Variants in FYCO1 observed in about 807,000 individuals in gnomAD.
The protein encoded by FYCO1 is FYVE and coiled-coil domain autophagy adaptor 1.
A neutral mutation model predicts 165.1 loss-of-function variants in FYCO1; 122 were observed. The ratio of observed to expected loss-of-function variants is 0.74; its 90% CI spans 0.64 to 0.86. The LOEUF is 0.86. FYCO1 is among the 40% of genes least tolerant of loss of function. The probability of loss-of-function intolerance (pLI) is 0.00; values close to 1 mark genes in which losing one functional copy is unlikely to be tolerated. For missense variants in FYCO1, 1,702 were observed against 1,810.3 expected, an observed-to-expected ratio of 0.94 and a Z score of 1.09; for synonymous variants, 648 against 742.5, an observed-to-expected ratio of 0.87 and a Z score of 2.07.
At chr3:45,936,931 G>A (rs1351932593) in intron 14 of FYCO1, among the ~76,000 whole-genome samples, 3 of 152,178 alleles carry the variant, frequency 2.0e-5, no homozygotes, top group Non-Finnish European at 4.4e-5. Flanking sequence ...TGCACAACTA[G>A]AGAAGCCTCT....
intron 14 of FYCO1, 88 bp downstream of exon 14, chr3:45,955,161 G>A (rs989965184): frequency 2.1e-5 from 31 of 1,455,368 alleles, no homozygotes; most frequent in Middle Eastern, 2.4e-4. Flanking sequence ...CCTGCTTCCA[G>A]TGTCTCACTT....
chr3:45,983,963 T>C (rs1707184781), intron 2 of FYCO1, among the ~76,000 whole-genome samples: 1 of 152,242 alleles, frequency 6.6e-6, no homozygotes, highest in Non-Finnish European at 1.5e-5. Context: ...ACTGTGGCCA[T>C]GCTAGGCCAA....
intron 16 of FYCO1, among the ~76,000 whole-genome samples, chr3:45,926,780 C>T (rs965903291): frequency 7.2e-5 from 11 of 152,204 alleles, no homozygotes; most frequent in Non-Finnish European, 1.6e-4. Flanking sequence ...ACCTGGCCAA[C>T]ATAGCAAAAC....
rs1342251883 is a variant in FYCO1 at position 45,919,943 on chromosome 3, G to A, written c.*1822C>T. ...CAGTACTAAGCATGGTCAGAGCCTTGGCCAGGAGAAGATGATTGAGCACCT... is the reference window on the plus strand; with the variant it reads ...CAGTACTAAGCATGGTCAGAGCCTTAGCCAGGAGAAGATGATTGAGCACCT... On this transcript the variant is annotated 3_prime_UTR_variant, in exon 18 of 18. Transcript: ENST00000296137. 3 of 152,232 alleles carry A rather than the reference G, an allele frequency of 2.0e-5. No individual in the cohort carries two copies. Among genetic ancestry groups the A allele is most frequent in the African/African-American group, 7.2e-5 (3 of 41,464 alleles). The allele number at this position is 152,232 out of a possible 1,614,324, so 9.4% of individuals were successfully genotyped here. A position where few individuals can be genotyped will look rare whatever the true frequency, so the allele number is the denominator to read the frequency against.
rs113650419 is a variant in FYCO1 at position 45,993,925 on chromosome 3, G to A, written c.-113+1797C>T. ...CTAAAGGGAAGCAGGGTGGGTGGGG[G>A]TGAGGGGGCTGCCATTTCTTGCGTA... On this transcript the variant is annotated intron_variant, in intron 1 of 17. Transcript: ENST00000296137. This position sits in a 1 kb window ranked among gnomAD's most constrained non-coding sequence, Gnocchi z 4.4. Among the ~76,000 whole-genome samples the A allele has an allele frequency of 2.8e-3, 432 of 151,742 alleles. 2 individuals carry two copies. Among genetic ancestry groups the A allele is most frequent in the African/African-American group, 9.6e-3 (399 of 41,464 alleles).
At chr3:45,971,494 C>T (rs1298187039) in intron 6 of FYCO1, among the ~76,000 whole-genome samples, 3 of 152,200 alleles carry the variant, frequency 2.0e-5, no homozygotes, top group South Asian at 2.1e-4. Flanking sequence ...CACCGCCTTA[C>T]CCAAATGACC....
chr3:45,969,818 A>C, intron 6 of FYCO1, 53 bp from the exon 7 acceptor site: 5 of 1,478,306 alleles, frequency 3.4e-6, no homozygotes, highest in Non-Finnish European at 4.7e-6. Flanking sequence ...AACCTAACAC[A>C]TGGAGGCCTT....
At chr3:45,972,210 G>A (rs989538483) in intron 6 of FYCO1, among the ~76,000 whole-genome samples, 1 of 152,118 alleles carries the variant, frequency 6.6e-6, no homozygotes, top group African/African-American at 2.4e-5. Flanking sequence ...AATCCCAGCA[G>A]TTTGGAAGGC....
intron 4 of FYCO1, among the ~76,000 whole-genome samples, chr3:45,978,598 T>G (rs1706884912): frequency 6.6e-6 from 1 of 152,202 alleles, no homozygotes; most frequent in Non-Finnish European, 1.5e-5. Flanking sequence ...GGCTGTGGTA[T>G]TTGTGGGCAG....
intron 6 of FYCO1, among the ~76,000 whole-genome samples, chr3:45,970,529 A>G (rs1474110726): frequency 6.6e-6 from 1 of 152,244 alleles, no homozygotes; most frequent in Non-Finnish European, 1.5e-5. Flanking sequence ...GGAAAGAGAT[A>G]CACTGTGGCT....
In FYCO1 at chr3:45,965,024, A is replaced by G. The variant is rs370318301; in HGVS notation, c.3150+9T>C. On this transcript the variant is annotated intron_variant, in intron 9 of 17. Transcript: ENST00000296137. ...CTCTCCCTGACAGGTCTACACTACC[A>G]GGGCCTACCTTCAGCTTCTCCACAG... 56 of 1,612,420 alleles carry G rather than the reference A, an allele frequency of 3.5e-5. No individual in the cohort carries two copies. Among genetic ancestry groups the G allele is most frequent in the Non-Finnish European group, 4.8e-5 (56 of 1,178,640 alleles).
Position 45,968,593 on chromosome 3 carries a change from C to T in FYCO1, c.741G>A (p.Lys247=), listed in dbSNP as rs1460564650. The change falls in exon 8 of 18, where the codon AAG becomes AAA. Residue 247 remains lysine (K), a synonymous_variant. Coordinates refer to ENST00000296137, the MANE Select transcript of FYCO1 (RefSeq NM_024513.4). ...LELDQLEVRE[K]QLRERMQQLD... The stretch of plus-strand genomic sequence containing the variant: ...GCTGCTGCATGCGCTCCCGTAGCTG[C>T]TTCTCCCGCACCTCCAACTGGTCCA... 1.9e-6 allele frequency: 3 copies of T among 1,613,908 alleles called. No homozygotes were observed. The highest frequency in any genetic ancestry group is 2.5e-6 in the Non-Finnish European group (3 of 1,180,016).
chr3:45,940,640 T>C (rs994256333), intron 14 of FYCO1, among the ~76,000 whole-genome samples: 1 of 152,142 alleles, frequency 6.6e-6, no homozygotes, highest in Non-Finnish European at 1.5e-5. Context: ...GGCACTTGGA[T>C]CTCTCAGGTC....
intron 14 of FYCO1, among the ~76,000 whole-genome samples, chr3:45,941,655 GC>G (rs909922289): frequency 2.0e-5 from 3 of 152,176 alleles, no homozygotes; most frequent in African/African-American, 7.2e-5. Context: ...CGATAAACAA[GC>G]CATGCTTTCT....
At chr3:45,974,953 A>AGG (rs1162833833) in intron 5 of FYCO1, among the ~76,000 whole-genome samples, 3 of 152,186 alleles carry the variant, frequency 2.0e-5, no homozygotes, top group African/African-American at 7.2e-5. Flanking sequence ...GCCATCCACC[A>AGG]GGGAAAATGC....
In FYCO1 at chr3:45,964,537, C is replaced by T; in HGVS notation, c.3151-83G>A. 1.3e-6 allele frequency: 2 copies of T among 1,593,084 alleles called. No homozygotes were observed. The highest frequency in any genetic ancestry group is 2.3e-5 in the East Asian group (1 of 44,016). On this transcript the variant is annotated intron_variant, in intron 9 of 17. Coordinates refer to ENST00000296137, the MANE Select transcript of FYCO1 (RefSeq NM_024513.4). The surrounding 1 kb of genome is among the most constrained non-coding windows in gnomAD (Gnocchi z 4.1). ...ATAAAGTGGCTGGTGTGCCATCCAC[C>T]CCATCTGGCTGGGTCACTTCTAAAT...
chr3:45,955,610 C>T lies in FYCO1; in HGVS notation c.3800-217G>A, dbSNP rs542573503. Reference sequence around the variant, plus strand: ...AAAAAAGTAGAGGAAGGCTTACAGACGAAATGGAATGTACAACCTAAGAGA... The same window carrying T: ...AAAAAAGTAGAGGAAGGCTTACAGATGAAATGGAATGTACAACCTAAGAGA... On this transcript the variant is annotated intron_variant, in intron 13 of 17. Transcript: ENST00000296137. 1.4e-4 allele frequency among the ~76,000 whole-genome samples: 22 copies of T among 152,178 alleles called. 1 individual carries two copies. The South Asian group carries it at 3.7e-3, about 26-fold the overall frequency.
chr3:45,977,010 G>A, intron 4 of FYCO1, among the ~76,000 whole-genome samples: 1 of 152,168 alleles, frequency 6.6e-6, no homozygotes, highest in Non-Finnish European at 1.5e-5. Flanking sequence ...CTCAGCAGAT[G>A]CGCGGGGGAG....
At chr3:45,961,929 T>G (rs2098369648) in intron 11 of FYCO1, among the ~76,000 whole-genome samples, 1 of 152,240 alleles carries the variant, frequency 6.6e-6, no homozygotes, top group Non-Finnish European at 1.5e-5. Flanking sequence ...TAAGGTGGTC[T>G]GGCAGTTCTA....
Sources: allele counts gnomAD v4.1 joint callset (sites outside exome capture counted in the v4.1 genomes callset), GRCh38; gene constraint gnomAD v4.1.1; non-coding constraint Gnocchi (gnomAD v3.1); transcripts MANE v1.5; gene names NCBI Gene and HGNC (gene_info 2026-07-23, HGNC 2026-07-21).